The following RIMS2 variants were observed in gnomAD, a reference collection of about 807,000 sequenced individuals.
RIMS2 encodes the protein regulating synaptic membrane exocytosis protein 2.
RIMS2 carries 59 observed loss-of-function variants against 174.4 expected under a neutral mutation model. The observed-to-expected ratio is 0.34, with a 90% CI of 0.27 to 0.42. The LOEUF (loss-of-function observed/expected upper bound fraction) is 0.42. Among genes scored for constraint, RIMS2 ranks in the 10% least tolerant of loss-of-function variants. RIMS2 has a pLI of 1.00. For missense variants in RIMS2, 1,620 were observed against 1,666.3 expected (o/e 0.97, Z 0.48); for synonymous variants, 606 against 572.5 (o/e 1.06, Z -0.84).
intron 1 of RIMS2, chr8:103,568,755 G>A: frequency 9.3e-7 from 1 of 1,072,388 alleles, no homozygotes; most frequent in Non-Finnish European, 1.4e-6. Flanking sequence ...TTCTTCACTG[G>A]GTAAGGAATC....
Position 103,702,195 on chromosome 8 carries a change from C to A in RIMS2, c.387+4899C>A, listed in dbSNP as rs572116939. Reference sequence around the variant, plus strand: ...TTTTCTGATAATTAGTAATGGTGATCATTTTTTCATATACCTGTTGGATAT... The same window carrying A: ...TTTTCTGATAATTAGTAATGGTGATAATTTTTTCATATACCTGTTGGATAT... On this transcript the variant is annotated intron_variant, in intron 2 of 23. Transcript: ENST00000504942. Among the ~76,000 whole-genome samples, 7 of 152,182 alleles carry A rather than the reference C, an allele frequency of 4.6e-5. No individual in the cohort carries two copies. The South Asian group carries it at 1.5e-3, about 32-fold the overall frequency.
chr8:104,147,528 A>T (rs1348733971), intron 19 of RIMS2, among the ~76,000 whole-genome samples: 1 of 152,150 alleles, frequency 6.6e-6, no homozygotes, highest in Non-Finnish European at 1.5e-5. Context: ...AGTTCACCTC[A>T]ATAAGTTAGT....
intron 10 of RIMS2, among the ~76,000 whole-genome samples, chr8:103,926,604 A>G (rs751968401): frequency 5.5e-4 from 84 of 151,508 alleles, no homozygotes; most frequent in Non-Finnish European, 1.2e-3. Flanking sequence ...GAGCAAAAGT[A>G]CTCCTAGTAC....
At chr8:104,096,119 T>C (rs540132426) in intron 19 of RIMS2, among the ~76,000 whole-genome samples, 2 of 152,146 alleles carry the variant, frequency 1.3e-5, no homozygotes, top group African/African-American at 4.8e-5. Flanking sequence ...TAGGATAATT[T>C]CATCACTAAT....
At chr8:103,524,608 A>G (rs1833130333) in intron 1 of RIMS2, among the ~76,000 whole-genome samples, 1 of 152,146 alleles carries the variant, frequency 6.6e-6, no homozygotes. Context: ...GAGTACTATG[A>G]TGCTAAGGTT....
intron 14 of RIMS2, among the ~76,000 whole-genome samples, chr8:103,958,691 G>C (rs1379687555): frequency 6.6e-6 from 1 of 152,152 alleles, no homozygotes; most frequent in African/African-American, 2.4e-5. Flanking sequence ...TATAATTTAA[G>C]CCTCAGTGAG....
chr8:104,161,869 A>G (rs1191427055), intron 19 of RIMS2, among the ~76,000 whole-genome samples: 1 of 152,162 alleles, frequency 6.6e-6, no homozygotes, highest in Non-Finnish European at 1.5e-5. Flanking sequence ...TCAGGTTCCC[A>G]TTTTCCTGGA....
At chr8:103,916,380 T>A in intron 7 of RIMS2, 34 bp from the exon 11 acceptor site, 1 of 1,529,012 alleles carries the variant, frequency 6.5e-7, no homozygotes, top group Non-Finnish European at 8.9e-7. Flanking sequence ...TCAAATTTTC[T>A]GTATAAGATT....
chr8:104,207,777 C>T (rs1392993776), intron 19 of RIMS2, among the ~76,000 whole-genome samples: 1 of 151,418 alleles, frequency 6.6e-6, no homozygotes, highest in Non-Finnish European at 1.5e-5. Flanking sequence ...CACGCCATTG[C>T]ACTACAGTCT....
At chr8:103,690,071 C>T (rs1397873394) in intron 1 of RIMS2, among the ~76,000 whole-genome samples, 4 of 151,070 alleles carry the variant, frequency 2.6e-5, no homozygotes, top group Admixed American at 1.3e-4. Context: ...AGTGATTCTA[C>T]TGCCTCAGCC....
At chr8:104,135,488 C>T (rs941888071) in intron 19 of RIMS2, among the ~76,000 whole-genome samples, 5 of 151,658 alleles carry the variant, frequency 3.3e-5, no homozygotes, top group African/African-American at 9.7e-5. Flanking sequence ...TGTCTGTAGT[C>T]CCAACTACCT....
chr8:104,096,129 T>C (rs924889387), intron 19 of RIMS2, among the ~76,000 whole-genome samples: 3 of 152,122 alleles, frequency 2.0e-5, no homozygotes, highest in African/African-American at 7.2e-5. Flanking sequence ...TCATCACTAA[T>C]TCACAGAGAA....
intron 2 of RIMS2, among the ~76,000 whole-genome samples, chr8:103,709,671 C>CT (rs920448132): frequency 7.3e-5 from 11 of 151,346 alleles, no homozygotes; most frequent in African/African-American, 2.2e-4. Context: ...TTTAGATATT[C>CT]TTTTTTTTTC....
At chr8:103,504,846 C>CTTTTTTTTTTTT (rs11367763) in intron 1 of RIMS2, among the ~76,000 whole-genome samples, 8 of 95,078 alleles carry the variant, frequency 8.4e-5, no homozygotes, top group Admixed American at 1.3e-4. Flanking sequence ...TTCTTTCTTT[C>CTTTTTTTTTTTT]TTTTTTTTTT....
intron 1 of RIMS2, among the ~76,000 whole-genome samples, chr8:103,640,477 G>A (rs1039581471): frequency 2.0e-5 from 3 of 151,796 alleles, no homozygotes; most frequent in Admixed American, 1.3e-4. Context: ...TTGTAGATAT[G>A]TCTTACAATA....
chr8:104,041,917 G>A (rs1444499443), intron 19 of RIMS2, among the ~76,000 whole-genome samples: 2 of 151,490 alleles, frequency 1.3e-5, no homozygotes. Flanking sequence ...CTCAAATGAA[G>A]TTTATTTCAA....
At chr8:103,582,480 G>A (rs2093673146) in intron 1 of RIMS2, among the ~76,000 whole-genome samples, 1 of 152,098 alleles carries the variant, frequency 6.6e-6, no homozygotes, top group Non-Finnish European at 1.5e-5. Context: ...CACCAAGAGG[G>A]CTCTTGGGGT....
At chr8:103,767,437 G>C (rs2098188551) in intron 3 of RIMS2, among the ~76,000 whole-genome samples, 1 of 151,936 alleles carries the variant, frequency 6.6e-6, no homozygotes, top group Admixed American at 6.6e-5. Flanking sequence ...TGCCCACCTC[G>C]GCCTCCCAAA....
intron 8 of RIMS2, among the ~76,000 whole-genome samples, chr8:103,916,942 G>C (rs1247324084): frequency 8.6e-5 from 13 of 152,026 alleles, no homozygotes. Context: ...ATAGTTTATG[G>C]AAAAACATGA....
Sources: gnomAD v4.1 joint callset for allele counts (sites outside exome capture counted in the v4.1 genomes callset) on GRCh38, gnomAD v4.1.1 for gene constraint, MANE v1.5 for transcripts, NCBI Gene and HGNC (gene_info 2026-07-23, HGNC 2026-07-21) for gene names.